Variants in GRIK1 observed in about 807,000 individuals in gnomAD.
GRIK1 encodes the protein glutamate ionotropic receptor kainate type subunit 1.
GRIK1 carries 69 observed loss-of-function variants against 105.7 expected under a neutral mutation model. The ratio of observed to expected loss-of-function variants is 0.65; its 90% CI spans 0.54 to 0.80. The LOEUF is 0.80. GRIK1 is among the 30% of genes least tolerant of loss of function. The pLI is 0.00. For synonymous variants in GRIK1, 438 were observed against 431.3 expected, an observed-to-expected ratio of 1.02 and a Z score of -0.19; for missense variants, 1,109 against 1,167.3, an observed-to-expected ratio of 0.95 and a Z score of 0.73.
At chr21:29,805,146 AC>A (rs905761859) in intron 1 of GRIK1, among the ~76,000 whole-genome samples, 1 of 151,762 alleles carries the variant, frequency 6.6e-6, no homozygotes, top group Non-Finnish European at 1.5e-5. Context: ...CCACCCCTCC[AC>A]CCCCTGCAGC....
intron 1 of GRIK1, among the ~76,000 whole-genome samples, chr21:29,726,283 G>A (rs1234329431): frequency 6.6e-6 from 1 of 152,016 alleles, no homozygotes; most frequent in Non-Finnish European, 1.5e-5. Flanking sequence ...GTATTTTTAG[G>A]GTTTTGTAAA....
At chr21:29,564,269 TC>T (rs1427416236) in intron 14 of GRIK1, among the ~76,000 whole-genome samples, 5 of 151,602 alleles carry the variant, frequency 3.3e-5, no homozygotes, top group African/African-American at 9.7e-5. Context: ...TGCCTCAGCC[TC>T]CCAAGTAGCT....
chr21:29,657,597 A>T (rs1158087006), intron 4 of GRIK1: 1 of 152,174 alleles, frequency 6.6e-6, no homozygotes, highest in African/African-American at 2.4e-5. Flanking sequence ...TCTTCCCTTG[A>T]ATTTACTAGA....
At chr21:29,656,113 A>G (rs1449609094) in intron 4 of GRIK1, among the ~76,000 whole-genome samples, 1 of 151,916 alleles carries the variant, frequency 6.6e-6, no homozygotes, top group Non-Finnish European at 1.5e-5. Flanking sequence ...CCTGTAATCC[A>G]GCACTTTGGG....
chr21:29,783,146 T>C (rs939697137), intron 1 of GRIK1, among the ~76,000 whole-genome samples: 3 of 152,222 alleles, frequency 2.0e-5, no homozygotes, highest in African/African-American at 7.2e-5. Context: ...TTCTTTGATT[T>C]TATTAAAGTT....
At chr21:29,892,984 A>G (rs2069959933) in intron 1 of GRIK1, among the ~76,000 whole-genome samples, 1 of 152,182 alleles carries the variant, frequency 6.6e-6, no homozygotes, top group African/African-American at 2.4e-5. Context: ...GACCAGCATG[A>G]GCTAACATGG....
chr21:29,744,490 T>A (rs1701757952), intron 1 of GRIK1, among the ~76,000 whole-genome samples: 1 of 152,122 alleles, frequency 6.6e-6, no homozygotes, highest in African/African-American at 2.4e-5. Flanking sequence ...AAAGCAGACA[T>A]TCTGAGGAGA....
chr21:29,904,214 A>G (rs1354050086), intron 1 of GRIK1, among the ~76,000 whole-genome samples: 1 of 152,146 alleles, frequency 6.6e-6, no homozygotes. Flanking sequence ...TGGCATGTGT[A>G]TACCTATGTA....
At chr21:29,543,320 A>G (rs778377847) in intron 16 of GRIK1, among the ~76,000 whole-genome samples, 11 of 152,222 alleles carry the variant, frequency 7.2e-5, no homozygotes, top group East Asian at 3.9e-4. Flanking sequence ...GGGATTTGCA[A>G]CATAGAGACT....
chr21:29,646,116 A>G (rs1170597797), intron 6 of GRIK1, among the ~76,000 whole-genome samples: 1 of 152,180 alleles, frequency 6.6e-6, no homozygotes, highest in African/African-American at 2.4e-5. Flanking sequence ...GTTTATGCTA[A>G]AAACATGATT....
chr21:29,821,344 T>C (rs1281104174), intron 1 of GRIK1, among the ~76,000 whole-genome samples: 1 of 152,082 alleles, frequency 6.6e-6, no homozygotes, highest in Non-Finnish European at 1.5e-5. Context: ...CAGGCCTCAG[T>C]CTATGGCACA....
chr21:29,891,254 T>C (rs1047582913), intron 1 of GRIK1, among the ~76,000 whole-genome samples: 2 of 152,172 alleles, frequency 1.3e-5, no homozygotes, highest in African/African-American at 2.4e-5. Flanking sequence ...AAAAGTGAAA[T>C]ATCTCTAGCA....
intron 1 of GRIK1, among the ~76,000 whole-genome samples, chr21:29,777,833 T>A (rs2065988937): frequency 6.6e-6 from 1 of 151,982 alleles, no homozygotes; most frequent in Non-Finnish European, 1.5e-5. Context: ...GAAAAACGAA[T>A]CCACAGAACT....
chr21:29,618,629 G>A lies in GRIK1; in HGVS notation c.1099-19692C>T, dbSNP rs116380150. ...GGAACTCAAATGCCCATCAATCAAC[G>A]AGTGAATAAAGAAAGTGTGATATAT... On this transcript the variant is annotated intron_variant, in intron 7 of 17. Transcript: ENST00000327783. Among the ~76,000 whole-genome samples, 303 of 152,228 alleles carry A rather than the reference G, an allele frequency of 2.0e-3. 1 individual carries two copies. The highest frequency in any genetic ancestry group is 6.9e-3 in the African/African-American group (288 of 41,542).
At chr21:29,649,924 G>A (rs1162636607) in intron 6 of GRIK1, among the ~76,000 whole-genome samples, 1 of 152,116 alleles carries the variant, frequency 6.6e-6, no homozygotes, top group Non-Finnish European at 1.5e-5. Flanking sequence ...AAACCCAAGA[G>A]GAAGAAGAGA....
At chr21:29,642,266 T>C (rs900991358) in intron 7 of GRIK1, among the ~76,000 whole-genome samples, 1 of 152,218 alleles carries the variant, frequency 6.6e-6, no homozygotes, top group Non-Finnish European at 1.5e-5. Flanking sequence ...TCAGTGAAGA[T>C]ATCTATCCCT....
At chr21:29,695,542 T>C (rs575093809) in intron 1 of GRIK1, among the ~76,000 whole-genome samples, 46 of 152,088 alleles carry the variant, frequency 3.0e-4, no homozygotes, top group Admixed American at 7.2e-4. Flanking sequence ...TGGTGCAATC[T>C]TGGCTCATTG....
At chr21:29,781,265 T>C (rs1176383954) in intron 1 of GRIK1, among the ~76,000 whole-genome samples, 1 of 152,142 alleles carries the variant, frequency 6.6e-6, no homozygotes, top group Non-Finnish European at 1.5e-5. Flanking sequence ...TTTTTTCCTT[T>C]CTTTCTCCTT....
chr21:29,895,231 T>C (rs2070092810), intron 1 of GRIK1, among the ~76,000 whole-genome samples: 1 of 151,944 alleles, frequency 6.6e-6, no homozygotes, highest in African/African-American at 2.4e-5. Flanking sequence ...TCACTGGGAG[T>C]GAAAACCCAG....
Sources: gnomAD v4.1 joint callset for allele counts (sites outside exome capture counted in the v4.1 genomes callset) on GRCh38, gnomAD v4.1.1 for gene constraint, MANE v1.5 for transcripts, NCBI Gene and HGNC (gene_info 2026-07-23, HGNC 2026-07-21) for gene names.